LRMDA: variants seen among roughly 807,000 people sequenced by gnomAD.
LRMDA encodes leucine rich melanocyte differentiation associated.
LRMDA carries 18 observed loss-of-function variants against 29.8 expected under a neutral mutation model. That is an observed-to-expected ratio of 0.60 (90% CI 0.42 to 0.90). LRMDA has a LOEUF of 0.90. Among genes scored for constraint, LRMDA ranks in the 40% least tolerant of loss-of-function variants. The pLI, the probability that LRMDA is intolerant of heterozygous loss-of-function variation, is 0.00. For synonymous variants in LRMDA, 125 were observed against 109.4 expected, an observed-to-expected ratio of 1.14 and a Z score of -0.89; for missense variants, 273 against 273.9, an observed-to-expected ratio of 1.00 and a Z score of 0.02.
At chr10:75,762,097 G>A (rs569047502) in intron 2 of LRMDA, among the ~76,000 whole-genome samples, 4 of 152,186 alleles carry the variant, frequency 2.6e-5, no homozygotes, top group Admixed American at 2.6e-4. Context: ...ACAGGCATGA[G>A]CCACCATGCC....
intron 2 of LRMDA, among the ~76,000 whole-genome samples, chr10:75,796,842 G>A (rs1254842185): frequency 1.3e-5 from 2 of 152,246 alleles, no homozygotes; most frequent in Non-Finnish European, 2.9e-5. Flanking sequence ...TGGGATTACA[G>A]GCATGAGCCA....
chr10:76,006,712 T>C (rs1265561944), intron 2 of LRMDA, among the ~76,000 whole-genome samples: 1 of 152,210 alleles, frequency 6.6e-6, no homozygotes, highest in Non-Finnish European at 1.5e-5. Context: ...GAGGGCTGGA[T>C]TGTTTTTGAA....
chr10:75,933,902 A>G (rs886393263), intron 2 of LRMDA, among the ~76,000 whole-genome samples: 1 of 152,162 alleles, frequency 6.6e-6, no homozygotes, highest in Non-Finnish European at 1.5e-5. Context: ...GCTCACTCTT[A>G]CATAGGACAG....
chr10:76,267,546 C>T (rs796564984), intron 5 of LRMDA, among the ~76,000 whole-genome samples: 7 of 152,270 alleles, frequency 4.6e-5, no homozygotes, highest in South Asian at 2.1e-4. Context: ...TGCCTGTCTG[C>T]TTCATGTAAG....
intron 2 of LRMDA, among the ~76,000 whole-genome samples, chr10:75,839,755 C>T (rs1347280708): frequency 1.5e-5 from 2 of 131,480 alleles, no homozygotes; most frequent in African/African-American, 3.1e-5. Context: ...GTTGCCCAGG[C>T]TGGAGTGCAG....
intron 2 of LRMDA, among the ~76,000 whole-genome samples, chr10:75,666,806 GC>G (rs1320808870): frequency 2.0e-5 from 3 of 152,086 alleles, no homozygotes; most frequent in African/African-American, 7.2e-5. Flanking sequence ...TGCTTTTTTA[GC>G]CAGATGGGTC....
At chr10:76,409,843 T>G (rs2132506654) in intron 6 of LRMDA, among the ~76,000 whole-genome samples, 1 of 152,320 alleles carries the variant, frequency 6.6e-6, no homozygotes, top group Non-Finnish European at 1.5e-5. Flanking sequence ...CAAAATGAAC[T>G]TCTGCTCTCC....
intron 5 of LRMDA, among the ~76,000 whole-genome samples, chr10:76,093,672 G>A (rs1268953796): frequency 6.6e-6 from 1 of 151,784 alleles, no homozygotes; most frequent in East Asian, 1.9e-4. Flanking sequence ...TATCCACATT[G>A]CTAAAACCTT....
At chr10:76,262,088 A>G (rs1057241284) in intron 5 of LRMDA, among the ~76,000 whole-genome samples, 3 of 151,996 alleles carry the variant, frequency 2.0e-5, no homozygotes, top group Non-Finnish European at 4.4e-5. Flanking sequence ...AATAATAATA[A>G]ATTAATCAGA....
At chr10:75,518,762 C>G (rs1845324239) in intron 2 of LRMDA, among the ~76,000 whole-genome samples, 1 of 152,098 alleles carries the variant, frequency 6.6e-6, no homozygotes, top group African/African-American at 2.4e-5. Flanking sequence ...TATGTTTACT[C>G]TTGCTTCTCT....
At chr10:76,550,992 A>G (rs1843487737) in intron 6 of LRMDA, among the ~76,000 whole-genome samples, 1 of 152,194 alleles carries the variant, frequency 6.6e-6, no homozygotes, top group Non-Finnish European at 1.5e-5. Flanking sequence ...TGCTCCAGCT[A>G]CTTCTCAAGA....
At chr10:76,159,381 A>G (rs1850602448) in intron 5 of LRMDA, among the ~76,000 whole-genome samples, 1 of 152,176 alleles carries the variant, frequency 6.6e-6, no homozygotes, top group South Asian at 2.1e-4. Flanking sequence ...CACTGACAAC[A>G]CCAAATGCGG....
chr10:75,569,491 G>A (rs1175327944), intron 2 of LRMDA, among the ~76,000 whole-genome samples: 1 of 152,188 alleles, frequency 6.6e-6, no homozygotes, highest in African/African-American at 2.4e-5. Context: ...TAATGTGCCA[G>A]CTTGGATTAT....
intron 5 of LRMDA, among the ~76,000 whole-genome samples, chr10:76,171,775 A>C (rs1405166840): frequency 1.3e-5 from 2 of 152,216 alleles, no homozygotes; most frequent in Non-Finnish European, 2.9e-5. Context: ...ATAATGACAA[A>C]GACTGGATTT....
chr10:75,814,012 G>C (rs1844012666), intron 2 of LRMDA, among the ~76,000 whole-genome samples: 1 of 152,194 alleles, frequency 6.6e-6, no homozygotes, highest in African/African-American at 2.4e-5. Flanking sequence ...TGTAATTCTT[G>C]AATTCCCATT....
rs1842427750 is a variant in LRMDA at position 76,453,549 on chromosome 10, C to T, written c.602-103660C>T. 1.3e-5 allele frequency among the ~76,000 whole-genome samples: 2 copies of T among 152,152 alleles called. 1 individual carries two copies. Among genetic ancestry groups the T allele is most frequent in the South Asian group, 4.2e-4 (2 of 4,818 alleles). Reference sequence around the variant, plus strand: ...AACAAAACCAGGGCACATTTGTTTGCCATGCTATAGATTATCTAGTCTTAC... The same window carrying T: ...AACAAAACCAGGGCACATTTGTTTGTCATGCTATAGATTATCTAGTCTTAC... On this transcript the variant is annotated intron_variant, in intron 6 of 6. Transcript: ENST00000611255.
intron 6 of LRMDA, among the ~76,000 whole-genome samples, chr10:76,502,742 TTTTC>T (rs1403545429): frequency 6.6e-6 from 1 of 151,302 alleles, no homozygotes; most frequent in Non-Finnish European, 1.5e-5. Context: ...TTTTCCTTTT[TTTTC>T]TTTCTTTTTT....
intron 2 of LRMDA, among the ~76,000 whole-genome samples, chr10:75,654,904 G>A (rs935233917): frequency 2.6e-5 from 4 of 152,168 alleles, no homozygotes; most frequent in African/African-American, 9.7e-5. Flanking sequence ...TGACACTTTT[G>A]GAAGCGAAAC....
rs76824886 is a variant in LRMDA at position 75,795,621 on chromosome 10, T to A, written c.132-240387T>A. On this transcript the variant is annotated intron_variant, in intron 2 of 6. Coordinates refer to ENST00000611255, the MANE Select transcript of LRMDA (RefSeq NM_001305581.2). ...TTCTACCTTTATGCAATTACCACAC[T>A]GTCTTGACTACTGTAGCTTTATAGT... is the stretch of plus-strand genomic sequence containing the variant. 3.6e-3 allele frequency among the ~76,000 whole-genome samples: 551 copies of A among 152,346 alleles called. 4 individuals are homozygous for A. The highest frequency in any genetic ancestry group is 0.012 in the African/African-American group (517 of 41,574).
Sources: gnomAD v4.1 joint callset for allele counts (sites outside exome capture counted in the v4.1 genomes callset) on GRCh38, gnomAD v4.1.1 for gene constraint, MANE v1.5 for transcripts, NCBI Gene and HGNC (gene_info 2026-07-23, HGNC 2026-07-21) for gene names.